FHIP1A: variants seen among roughly 807,000 people sequenced by gnomAD.
The protein encoded by FHIP1A is FHF complex subunit HOOK interacting protein 1A, also known as FHF complex subunit HOOK-interacting protein 1A.
In FHIP1A, 61 loss-of-function variants were observed where a neutral mutation model predicts 88.6. That is an observed-to-expected ratio of 0.69 (90% confidence interval 0.56 to 0.85). The LOEUF (loss-of-function observed/expected upper bound fraction) is 0.85. Ranked by LOEUF, FHIP1A falls within the 40% of genes least tolerant of loss-of-function variation. The pLI is 0.00. For synonymous variants in FHIP1A, 478 were observed against 496.0 expected (o/e 0.96, Z 0.48); for missense variants, 1,154 against 1,273.5 (o/e 0.91, Z 1.43).
At chr4:151,610,614 CCT>C in intron 7 of FHIP1A, among the ~76,000 whole-genome samples, 1 of 152,144 alleles carries the variant, frequency 6.6e-6, no homozygotes, top group Non-Finnish European at 1.5e-5. Context: ...TTTGCTATAC[CCT>C]GAGTGTGATT....
intron 10 of FHIP1A, among the ~76,000 whole-genome samples, chr4:151,648,842 G>A (rs1736889382): frequency 6.6e-6 from 1 of 152,010 alleles, no homozygotes; most frequent in Non-Finnish European, 1.5e-5. Context: ...CAGTAGTGAA[G>A]TTGGAACTTT....
chr4:151,459,896 A>G (rs138245992), intron 2 of FHIP1A, among the ~76,000 whole-genome samples: 41 of 152,294 alleles, frequency 2.7e-4, no homozygotes, highest in African/African-American at 5.8e-4. Flanking sequence ...CCTTTTGCAT[A>G]CACTTGGAAT....
chr4:151,425,796 C>G (rs965013046), intron 1 of FHIP1A, among the ~76,000 whole-genome samples: 1 of 152,056 alleles, frequency 6.6e-6, no homozygotes, highest in Non-Finnish European at 1.5e-5. Flanking sequence ...TCTCTCTGCT[C>G]TGTCTTTGCA....
In FHIP1A at chr4:151,656,411, G is replaced by A. The variant is rs1314385332; in HGVS notation, c.2730+1G>A. 19 of 1,551,358 alleles carry A rather than the reference G, an allele frequency of 1.2e-5. No individual in the cohort carries two copies. Among genetic ancestry groups the A allele is most frequent in the Non-Finnish European group, 1.6e-5 (18 of 1,146,926 alleles). On this transcript the variant is annotated splice_donor_variant, in intron 12 of 13. Transcript: ENST00000435205. LOFTEE classifies it high-confidence loss of function. The surrounding 1 kb of genome is among the most constrained non-coding windows in gnomAD (Gnocchi z 4.2). Reference sequence around the variant, plus strand: ...GCCAAGCGTCCGCTCTCTCTATCAGGTATGTTAGCTGAACCCACATCCACA... The same window carrying A: ...GCCAAGCGTCCGCTCTCTCTATCAGATATGTTAGCTGAACCCACATCCACA...
At position 151,649,810 on chromosome 4, in the gene FHIP1A, G is replaced by T. The variant is rs1381690090; in HGVS notation, c.1769G>T (p.Gly590Val). Residue 590 changes from glycine (G) to valine (V), a missense_variant, in exon 11 of 14, where the codon GGG becomes GTG. Physicochemically the swap from Gly to Val is moderately radical, Grantham distance 109. Coordinates refer to ENST00000435205, the MANE Select transcript of FHIP1A (RefSeq NM_001109977.3). ...AGCTATGACACTGGAATCTCCTCAG[G>T]GGCTGACGTGGGCTCCCCAGGGCCT... ...DDSYDTGISS[G>V]ADVGSPGPYD... is the part of the protein sequence containing the mutation. The T allele has an allele frequency of 7.1e-6, 11 of 1,551,532 alleles. No individual in the cohort carries two copies. The highest frequency in any genetic ancestry group is 2.7e-5 in the African/African-American group (2 of 73,020).
chr4:151,648,319 A>G (rs1019408501), intron 10 of FHIP1A, among the ~76,000 whole-genome samples: 3 of 152,248 alleles, frequency 2.0e-5, no homozygotes, highest in African/African-American at 7.2e-5. Flanking sequence ...ACTGCCTCGC[A>G]TGTAGTAAGT....
In FHIP1A at chr4:151,650,416, G is replaced by T. The variant is rs1395449702; in HGVS notation, c.2375G>T (p.Ser792Ile). ...AAGGAGGAAGAAGGGAAGGAAGAGAGTAAAGGAGAAAAGGAGAAGGAGGGG... is the reference window on the plus strand; with the variant it reads ...AAGGAGGAAGAAGGGAAGGAAGAGATTAAAGGAGAAAAGGAGAAGGAGGGG... ...LTKEEEGKEE[S>I]KGEKEKEGKK... is the part of the protein sequence containing the mutation. Residue 792 changes from serine (S) to isoleucine (I), a missense_variant, in exon 11 of 14, where the codon AGT becomes ATT. Physicochemically the swap from Ser to Ile is moderately radical, Grantham distance 142. Transcript: ENST00000435205. 6.4e-7 allele frequency: 1 copy of T among 1,551,692 alleles called. No individual in the cohort carries two copies. The highest frequency in any genetic ancestry group is 8.7e-7 in the Non-Finnish European group (1 of 1,146,914).
chr4:151,485,282 G>GTTTTTTTTT (rs74327398), intron 3 of FHIP1A, among the ~76,000 whole-genome samples: 1,334 of 118,532 alleles, frequency 0.011, 44 homozygotes, highest in African/African-American at 0.024. Context: ...ATCTTTTCCA[G>GTTTTTTTTT]TTTTTTTTTT....
intron 7 of FHIP1A, among the ~76,000 whole-genome samples, chr4:151,611,369 A>G (rs1407305837): frequency 6.6e-6 from 1 of 152,176 alleles, no homozygotes; most frequent in Non-Finnish European, 1.5e-5. Flanking sequence ...AAAGGAAGAT[A>G]TAGATATTTT....
In FHIP1A at chr4:151,562,365, G is replaced by A. The variant is rs553691022; in HGVS notation, c.-122-3773G>A. Among the ~76,000 whole-genome samples the A allele has an allele frequency of 2.0e-5, 3 of 152,232 alleles. No homozygotes were observed. The South Asian group carries it at 6.2e-4, about 32-fold the overall frequency. On this transcript the variant is annotated intron_variant, in intron 3 of 13. Coordinates refer to ENST00000435205, the MANE Select transcript of FHIP1A (RefSeq NM_001109977.3). ...TTGGAAACTCACTGTGAAAGACTTG[G>A]CTTTGCCTCCCTTTTATCTCTAGCA...
intron 8 of FHIP1A, among the ~76,000 whole-genome samples, chr4:151,636,166 T>G (rs1736345725): frequency 6.6e-6 from 1 of 151,990 alleles, no homozygotes. Flanking sequence ...AAAGCTGGTT[T>G]AAAGTCTGAA....
intron 2 of FHIP1A, among the ~76,000 whole-genome samples, chr4:151,456,855 C>T (rs1443818900): frequency 6.6e-6 from 1 of 151,164 alleles, no homozygotes; most frequent in Non-Finnish European, 1.5e-5. Context: ...GTTATTGTGA[C>T]AATAATTTTG....
chr4:151,569,077 G>T (rs1733499146), intron 4 of FHIP1A, among the ~76,000 whole-genome samples: 1 of 152,142 alleles, frequency 6.6e-6, no homozygotes, highest in Non-Finnish European at 1.5e-5. Flanking sequence ...ATTGGGAAAA[G>T]AGCTCCAGTT....
At chr4:151,657,987 G>C (rs1737313406) in intron 13 of FHIP1A, among the ~76,000 whole-genome samples, 3 of 152,206 alleles carry the variant, frequency 2.0e-5, no homozygotes. Context: ...CTTGGGTTGT[G>C]ATGAGCTCTT....
rs28417352 is a variant in FHIP1A at position 151,656,480 on chromosome 4, C to G, written c.2730+70C>G. 2.8e-5 allele frequency: 41 copies of G among 1,451,996 alleles called. No individual in the cohort carries two copies. In the East Asian group the frequency reaches 9.7e-4, roughly 34 times the overall value. The allele number at this position is 1,451,996 out of a possible 1,614,324, so 89.9% of individuals were successfully genotyped here. A position where few individuals can be genotyped will look rare whatever the true frequency, so the allele number is the denominator to read the frequency against. ...GCTAATTTGCAGGGCATCTATTTCT[C>G]TTTATTTTGTTTTTCAAAAATTCCT... On this transcript the variant is annotated intron_variant, in intron 12 of 13. Coordinates refer to ENST00000435205, the MANE Select transcript of FHIP1A (RefSeq NM_001109977.3). The surrounding 1 kb of genome is among the most constrained non-coding windows in gnomAD (Gnocchi z 4.2).
rs1220490702 is a variant in FHIP1A, at chr4:151,666,053, C to T, written c.*3299C>T. Among the ~76,000 whole-genome samples, 3 of 152,162 alleles carry T rather than the reference C, an allele frequency of 2.0e-5. No individual in the cohort carries two copies. Among genetic ancestry groups the T allele is most frequent in the Admixed American group, 6.5e-5 (1 of 15,272 alleles). On this transcript the variant is annotated 3_prime_UTR_variant, in exon 14 of 14. Coordinates refer to ENST00000435205, the MANE Select transcript of FHIP1A (RefSeq NM_001109977.3). ...TAACCTCAATTCATAATTCAGGGCCCGACTTAAAGTTCCAGACTGAGTGAC... is the reference window on the plus strand; with the variant it reads ...TAACCTCAATTCATAATTCAGGGCCTGACTTAAAGTTCCAGACTGAGTGAC...
At chr4:151,496,237 A>G (rs915467218) in intron 3 of FHIP1A, among the ~76,000 whole-genome samples, 3 of 148,816 alleles carry the variant, frequency 2.0e-5, no homozygotes, top group Non-Finnish European at 3.0e-5. Flanking sequence ...AAAAGATTAT[A>G]TATATATATT....
At chr4:151,423,328 C>A (rs1388152271) in intron 1 of FHIP1A, among the ~76,000 whole-genome samples, 1 of 151,766 alleles carries the variant, frequency 6.6e-6, no homozygotes, top group African/African-American at 2.4e-5. Flanking sequence ...ATTAATTTTA[C>A]TATTTTTAAT....
intron 3 of FHIP1A, among the ~76,000 whole-genome samples, chr4:151,545,235 T>G (rs1732446722): frequency 6.6e-6 from 1 of 152,180 alleles, no homozygotes; most frequent in Non-Finnish European, 1.5e-5. Context: ...AGTTTAATCT[T>G]TCTTTGATAT....
Sources: gnomAD v4.1 joint callset for allele counts (sites outside exome capture counted in the v4.1 genomes callset) on GRCh38, gnomAD v4.1.1 for gene constraint, Gnocchi (gnomAD v3.1) non-coding constraint, MANE v1.5 for transcripts, NCBI Gene and HGNC (gene_info 2026-07-23, HGNC 2026-07-21) for gene names.